Variants in DIAPH3 observed in about 807,000 individuals in gnomAD.
DIAPH3 encodes diaphanous related formin 3.
In DIAPH3, 117 loss-of-function variants were observed where a neutral mutation model predicts 144.3. The observed-to-expected ratio is 0.81, with a 90% CI of 0.70 to 0.95. The LOEUF is 0.95. DIAPH3 is among the 40% of genes least tolerant of loss of function. The pLI is 0.00. For missense variants in DIAPH3, 1,421 were observed against 1,412.7 expected (o/e 1.01, Z -0.09); for synonymous variants, 519 against 488.9 (o/e 1.06, Z -0.81).
chr13:59,970,047 A>C lies in DIAPH3; in HGVS notation c.1971T>G (p.His657Gln). 6.3e-7 allele frequency: 1 copy of C among 1,589,292 alleles called. No individual in the cohort carries two copies. Among genetic ancestry groups the C allele is most frequent in the Non-Finnish European group, 8.6e-7 (1 of 1,161,428 alleles). ...RRLNWLKIRP[H>Q]EMTENCFWIK... The stretch of plus-strand genomic sequence containing the variant: ...TCCAGAAACAGTTTTCAGTCATTTC[A>C]TGAGGTCTGATCTACAATCAGAGAG... Residue 657 changes from histidine (H) to glutamine (Q), a missense_variant, in exon 17 of 28, where the codon CAT becomes CAG. Coordinates refer to ENST00000400324, the MANE Select transcript of DIAPH3 (RefSeq NM_001042517.2).
chr13:60,106,940 A>C (rs2058436085), intron 3 of DIAPH3, among the ~76,000 whole-genome samples: 1 of 152,172 alleles, frequency 6.6e-6, no homozygotes, highest in South Asian at 2.1e-4. Flanking sequence ...ATAAAATACA[A>C]GGAAACATAC....
chr13:60,108,329 C>T (rs1420283117), intron 3 of DIAPH3, among the ~76,000 whole-genome samples: 2 of 152,094 alleles, frequency 1.3e-5, no homozygotes, highest in Non-Finnish European at 2.9e-5. Context: ...ATGTATAAGG[C>T]CAGGCACGGT....
chr13:60,153,118 C>A lies in DIAPH3; in HGVS notation c.180+10469G>T, dbSNP rs1951875102. Reference sequence around the variant, plus strand: ...TTGTAAATACTTTTGTATTTACTACCAATATGGTTCTCAATGAGGGCCAAG... The same window carrying A: ...TTGTAAATACTTTTGTATTTACTACAAATATGGTTCTCAATGAGGGCCAAG... On this transcript the variant is annotated intron_variant, in intron 1 of 27. Coordinates refer to ENST00000400324, the MANE Select transcript of DIAPH3 (RefSeq NM_001042517.2). Among the ~76,000 whole-genome samples the A allele has an allele frequency of 2.0e-5, 3 of 151,884 alleles. No homozygotes were observed. In the South Asian group the frequency reaches 6.2e-4, roughly 32 times the overall value.
At chr13:59,799,307 T>C (rs2039773784) in intron 25 of DIAPH3, among the ~76,000 whole-genome samples, 1 of 149,200 alleles carries the variant, frequency 6.7e-6, no homozygotes, top group South Asian at 2.1e-4. Flanking sequence ...AGAAGGGAGA[T>C]AAGAAGAGAT....
chr13:59,852,758 C>T (rs1407338092), intron 22 of DIAPH3, among the ~76,000 whole-genome samples: 1 of 152,150 alleles, frequency 6.6e-6, no homozygotes, highest in East Asian at 1.9e-4. Flanking sequence ...TCGTTATGTT[C>T]TAAAGTTTGA....
At chr13:60,079,411 T>C (rs1266371256) in intron 4 of DIAPH3, among the ~76,000 whole-genome samples, 1 of 151,998 alleles carries the variant, frequency 6.6e-6, no homozygotes, top group Non-Finnish European at 1.5e-5. Context: ...ATTAATGTAA[T>C]CATATATGAG....
At chr13:60,057,428 C>T (rs1412112382) in intron 4 of DIAPH3, among the ~76,000 whole-genome samples, 1 of 151,940 alleles carries the variant, frequency 6.6e-6, no homozygotes, top group African/African-American at 2.4e-5. Flanking sequence ...ATCTCATGTT[C>T]CAGAATTGGA....
chr13:59,831,802 C>T (rs1255263356), intron 24 of DIAPH3, among the ~76,000 whole-genome samples: 1 of 151,856 alleles, frequency 6.6e-6, no homozygotes, highest in Non-Finnish European at 1.5e-5. Context: ...TTGAGCACCC[C>T]AAGCCTGCTG....
chr13:59,947,391 G>A (rs1331057560), intron 17 of DIAPH3, among the ~76,000 whole-genome samples: 7 of 152,198 alleles, frequency 4.6e-5, no homozygotes, highest in African/African-American at 7.2e-5. Context: ...TTCTCTTAAC[G>A]CTTTCCTATT....
intron 11 of DIAPH3, 29 bp from the exon 12 acceptor site, chr13:59,991,303 AT>A: frequency 7.0e-7 from 1 of 1,423,374 alleles, no homozygotes; most frequent in Non-Finnish European, 9.9e-7. Flanking sequence ...ATATGGATTT[AT>A]TTATACTCTA....
chr13:59,680,307 T>C (rs1046085738), intron 27 of DIAPH3, among the ~76,000 whole-genome samples: 6 of 152,156 alleles, frequency 3.9e-5, no homozygotes, highest in Non-Finnish European at 8.8e-5. Context: ...TGAATATCAG[T>C]GTTGAGAGCT....
chr13:59,952,290 T>C (rs893715841), intron 17 of DIAPH3, among the ~76,000 whole-genome samples: 3 of 152,128 alleles, frequency 2.0e-5, no homozygotes, highest in African/African-American at 7.2e-5. Flanking sequence ...AGGGTTTTAC[T>C]TTGGAATGAT....
At position 59,879,323 on chromosome 13, in the gene DIAPH3, T is replaced by A. The variant is rs767692491; in HGVS notation, c.2513A>T (p.Lys838Met). ...EEIKKSKSFSKLLELVLLMGN... is the reference protein window; with the variant it reads ...EEIKKSKSFSMLLELVLLMGN... ...CATTAGCAATACAAGTTCCAGCAAC[T>A]TGCTAAAGCTTTTGCTCTTCTTTAT... Residue 838 changes from lysine to methionine, a missense_variant, in exon 21 of 28, where the codon AAG (lysine) becomes ATG (methionine). By Grantham distance (95) the Lys-to-Met change is moderately conservative (BLOSUM62 -1). Transcript: ENST00000400324. 1 of 1,613,888 alleles carries A rather than the reference T, an allele frequency of 6.2e-7. No homozygotes were observed. Among genetic ancestry groups the A allele is most frequent in the Non-Finnish European group, 8.5e-7 (1 of 1,179,854 alleles).
At chr13:59,688,685 G>C (rs540971443) in intron 27 of DIAPH3, among the ~76,000 whole-genome samples, 6 of 152,138 alleles carry the variant, frequency 3.9e-5, no homozygotes, top group African/African-American at 1.4e-4. Flanking sequence ...CCTAGAGATA[G>C]TTTAAGTGAA....
At chr13:60,025,800 G>A (rs2054335068) in intron 5 of DIAPH3, among the ~76,000 whole-genome samples, 1 of 152,102 alleles carries the variant, frequency 6.6e-6, no homozygotes, top group Non-Finnish European at 1.5e-5. Flanking sequence ...GAAGAAATTT[G>A]TAGGAGGACT....
intron 22 of DIAPH3, among the ~76,000 whole-genome samples, chr13:59,859,196 A>G (rs2043429143): frequency 6.6e-6 from 1 of 152,144 alleles, no homozygotes; most frequent in Non-Finnish European, 1.5e-5. Flanking sequence ...TACTTCAGTG[A>G]TGGCTTTTCT....
intron 22 of DIAPH3, among the ~76,000 whole-genome samples, chr13:59,852,754 T>C (rs341499): frequency 0.51 from 77,082 of 152,044 alleles, 21,045 homozygotes; most frequent in Non-Finnish European, 0.6. Flanking sequence ...GCAGTCGTTA[T>C]GTTCTAAAGT....
chr13:60,065,981 T>G lies in DIAPH3; in HGVS notation c.496-23161A>C, dbSNP rs529241639. Among the ~76,000 whole-genome samples, 4 of 152,268 alleles carry G rather than the reference T, an allele frequency of 2.6e-5. No individual in the cohort carries two copies. In the South Asian group the frequency reaches 8.3e-4, roughly 32 times the overall value. ...ACCTACACATTTCCTACAAATCATA[T>G]ATATCAAAATAAAATGTCATTTTTA... On this transcript the variant is annotated intron_variant, in intron 4 of 27. Transcript: ENST00000400324.
intron 27 of DIAPH3, among the ~76,000 whole-genome samples, chr13:59,770,041 A>G (rs1415666611): frequency 6.6e-6 from 1 of 152,072 alleles, no homozygotes; most frequent in African/African-American, 2.4e-5. Flanking sequence ...GTAGCCCTCC[A>G]CTTCTAAGAA....
Sources: allele counts gnomAD v4.1 joint callset (sites outside exome capture counted in the v4.1 genomes callset), GRCh38; gene constraint gnomAD v4.1.1; transcripts MANE v1.5; gene names NCBI Gene and HGNC (gene_info 2026-07-23, HGNC 2026-07-21).